ZNRF1: variants seen among roughly 807,000 people sequenced by gnomAD.
ZNRF1 encodes E3 ubiquitin-protein ligase ZNRF1.
ZNRF1 carries 3 observed loss-of-function variants against 18.4 expected under a neutral mutation model. That is an observed-to-expected ratio of 0.16 (90% CI 0.07 to 0.42). The LOEUF is 0.42. Ranked by LOEUF, ZNRF1 falls within the 10% of genes least tolerant of loss-of-function variation. The pLI is 0.99. For synonymous variants in ZNRF1, 157 were observed against 144.2 expected (o/e 1.09, Z -0.64); for missense variants, 310 against 329.8 (o/e 0.94, Z 0.47).
intron 1 of ZNRF1, among the ~76,000 whole-genome samples, chr16:75,033,994 A>C (rs1428776704): frequency 1.4e-5 from 2 of 145,746 alleles, no homozygotes; most frequent in African/African-American, 5.2e-5. Flanking sequence ...TAAAATACAA[A>C]AAAAAAAAAA....
chr16:75,060,200 C>T lies in ZNRF1; in HGVS notation c.425-33372C>T, dbSNP rs570124752. ...TCCCGAGTAGCTGGAACTACAGGCGCGCATCACCACACCTGGCTAATTTTT... is the reference window on the plus strand; with the variant it reads ...TCCCGAGTAGCTGGAACTACAGGCGTGCATCACCACACCTGGCTAATTTTT... On this transcript the variant is annotated intron_variant, in intron 1 of 4. Transcript: ENST00000335325. 5.9e-5 allele frequency among the ~76,000 whole-genome samples: 9 copies of T among 151,916 alleles called. No individual in the cohort carries two copies. The East Asian group carries it at 1.2e-3, about 20-fold the overall frequency.
chr16:75,031,890 T>G (rs2035309811), intron 1 of ZNRF1, among the ~76,000 whole-genome samples: 1 of 152,136 alleles, frequency 6.6e-6, no homozygotes, highest in Non-Finnish European at 1.5e-5. Flanking sequence ...CTGGGTAACT[T>G]TAATTGAATC....
At chr16:75,004,571 A>G (rs2034894043) in intron 1 of ZNRF1, among the ~76,000 whole-genome samples, 1 of 152,200 alleles carries the variant, frequency 6.6e-6, no homozygotes, top group African/African-American at 2.4e-5. Context: ...ATTGTCATCA[A>G]GCCATCAACT....
intron 1 of ZNRF1, among the ~76,000 whole-genome samples, chr16:75,019,273 C>G (rs949756764): frequency 6.6e-6 from 1 of 151,892 alleles, no homozygotes; most frequent in African/African-American, 2.4e-5. Context: ...CTCCCAGTCT[C>G]AAGCGATCTT....
intron 1 of ZNRF1, among the ~76,000 whole-genome samples, chr16:75,024,578 A>G (rs1194022036): frequency 1.3e-5 from 2 of 152,222 alleles, no homozygotes; most frequent in Non-Finnish European, 2.9e-5. Flanking sequence ...AATTAATCTC[A>G]AACAAAAAAG....
chr16:75,034,995 A>G (rs1053114393), intron 1 of ZNRF1, among the ~76,000 whole-genome samples: 1 of 152,054 alleles, frequency 6.6e-6, no homozygotes, highest in Non-Finnish European at 1.5e-5. Flanking sequence ...ATTTTATTTT[A>G]AAATTTTTGA....
chr16:75,069,331 C>T lies in ZNRF1; in HGVS notation c.425-24241C>T, dbSNP rs114697744. ...ATTTCCTGTATCCACCATCTTTGCC[C>T]AGGTGTTTAACTCTGTTCCCTTAAA... On this transcript the variant is annotated intron_variant, in intron 1 of 4. Coordinates refer to ENST00000335325, the MANE Select transcript of ZNRF1 (RefSeq NM_032268.5). Among the ~76,000 whole-genome samples, 569 of 152,278 alleles carry T rather than the reference C, an allele frequency of 3.7e-3. 5 individuals carry two copies. The highest frequency in any genetic ancestry group is 0.014 in the African/African-American group (561 of 41,552).
At chr16:75,006,160 C>T (rs2034914480) in intron 1 of ZNRF1, among the ~76,000 whole-genome samples, 1 of 152,108 alleles carries the variant, frequency 6.6e-6, no homozygotes, top group Admixed American at 6.5e-5. Flanking sequence ...ATATTTTAGA[C>T]CTCCATTGAC....
chr16:75,051,035 GAAAAA>G (rs746889171), intron 1 of ZNRF1, among the ~76,000 whole-genome samples: 1 of 50,102 alleles, frequency 2.0e-5, no homozygotes, highest in Non-Finnish European at 7.3e-5. Context: ...GCTACAAAAA[GAAAAA>G]AAAAAAAAAC....
intron 1 of ZNRF1, among the ~76,000 whole-genome samples, chr16:75,021,704 CA>C (rs1442189972): frequency 6.6e-6 from 1 of 152,198 alleles, no homozygotes; most frequent in Non-Finnish European, 1.5e-5. Context: ...AAAGTCTTCT[CA>C]ACTCTTAGAG....
At chr16:75,012,575 A>C (rs777845491) in intron 1 of ZNRF1, among the ~76,000 whole-genome samples, 1 of 152,252 alleles carries the variant, frequency 6.6e-6, no homozygotes, top group Non-Finnish European at 1.5e-5. Context: ...GACGCCACCC[A>C]GTCAGCCTCC....
intron 1 of ZNRF1, among the ~76,000 whole-genome samples, chr16:75,022,606 A>C (rs1478702417): frequency 6.6e-6 from 1 of 152,174 alleles, no homozygotes; most frequent in East Asian, 1.9e-4. Flanking sequence ...AATTAAAATA[A>C]ATAAATAAAT....
rs754448935 is a variant in ZNRF1, at chr16:75,104,897, G to A, written c.626+8G>A. Reference sequence around the variant, plus strand: ...GTGCATCTATCACAAAAGGTAGGAGGGGTTGGCAAGGTAGCTTAGTGCACC... The same window carrying A: ...GTGCATCTATCACAAAAGGTAGGAGAGGTTGGCAAGGTAGCTTAGTGCACC... On this transcript the variant is annotated splice_region_variant and intron_variant, in intron 3 of 4. Transcript: ENST00000335325. The A allele has an allele frequency of 1.3e-6, 2 of 1,586,950 alleles. No individual in the cohort carries two copies. Among genetic ancestry groups the A allele is most frequent in the Non-Finnish European group, 1.7e-6 (2 of 1,166,610 alleles).
intron 1 of ZNRF1, among the ~76,000 whole-genome samples, chr16:75,076,188 C>G (rs2035938845): frequency 6.6e-6 from 1 of 152,204 alleles, no homozygotes; most frequent in South Asian, 2.1e-4. Flanking sequence ...ATTGACATAT[C>G]TATTATATGT....
At position 75,055,099 on chromosome 16, in the gene ZNRF1, C is replaced by T. The variant is rs1174973528; in HGVS notation, c.425-38473C>T. Among the ~76,000 whole-genome samples, 5 of 152,276 alleles carry T rather than the reference C, an allele frequency of 3.3e-5. No individual in the cohort carries two copies. The East Asian group carries it at 7.7e-4, about 24-fold the overall frequency. On this transcript the variant is annotated intron_variant, in intron 1 of 4. Coordinates refer to ENST00000335325, the MANE Select transcript of ZNRF1 (RefSeq NM_032268.5). Reference sequence around the variant, plus strand: ...TCGTTTGTAAAGAGATGGCTTTCCTCTCCCAACAAGCAGGGCCAGGCATCA... The same window carrying T: ...TCGTTTGTAAAGAGATGGCTTTCCTTTCCCAACAAGCAGGGCCAGGCATCA...
At chr16:75,057,680 A>G (rs2035685117) in intron 1 of ZNRF1, among the ~76,000 whole-genome samples, 1 of 152,110 alleles carries the variant, frequency 6.6e-6, no homozygotes, top group Non-Finnish European at 1.5e-5. Context: ...CTGTCACCCC[A>G]GCTGGAGCGC....
At chr16:75,073,627 T>G (rs1567487121) in intron 1 of ZNRF1, among the ~76,000 whole-genome samples, 1 of 152,168 alleles carries the variant, frequency 6.6e-6, no homozygotes, top group Non-Finnish European at 1.5e-5. Context: ...CGGATTCTTT[T>G]GTTTCTTTTT....
At chr16:75,034,976 C>G (rs571862962) in intron 1 of ZNRF1, among the ~76,000 whole-genome samples, 1 of 152,034 alleles carries the variant, frequency 6.6e-6, no homozygotes, top group Non-Finnish European at 1.5e-5. Context: ...ATTGCTGGAT[C>G]ATATGGTAAT....
chr16:75,061,081 AT>A (rs2035738423), intron 1 of ZNRF1, among the ~76,000 whole-genome samples: 1 of 152,208 alleles, frequency 6.6e-6, no homozygotes. Context: ...TGATACAGGC[AT>A]TCAGTGTGAA....
Sources: allele counts gnomAD v4.1 joint callset (sites outside exome capture counted in the v4.1 genomes callset), GRCh38; gene constraint gnomAD v4.1.1; transcripts MANE v1.5; gene names NCBI Gene and HGNC (gene_info 2026-07-23, HGNC 2026-07-21).